The following CUX2 variants were observed in gnomAD, a reference collection of about 807,000 sequenced individuals.
CUX2 encodes the protein cut like homeobox 2.
A neutral mutation model predicts 144.8 loss-of-function variants in CUX2; 40 were observed. The observed-to-expected ratio is 0.28, with a 90% CI of 0.21 to 0.36. CUX2 has a LOEUF of 0.36. Among genes scored for constraint, CUX2 ranks in the 10% least tolerant of loss-of-function variants. The pLI is 1.00. For missense variants in CUX2, 1,615 were observed against 1,994.0 expected (o/e 0.81, Z 3.62); for synonymous variants, 827 against 875.6 (o/e 0.94, Z 0.98).
intron 16 of CUX2, 38 bp from the exon 17 acceptor site, chr12:111,319,974 A>C (rs1592962411): frequency 7.0e-7 from 1 of 1,438,204 alleles, no homozygotes; most frequent in Non-Finnish European, 9.1e-7. Context: ...CCGAGCCCTG[A>C]CCCTGGGCCT....
intron 1 of CUX2, among the ~76,000 whole-genome samples, chr12:111,115,740 C>A (rs1305342401): frequency 6.6e-6 from 1 of 152,058 alleles, no homozygotes; most frequent in Non-Finnish European, 1.5e-5. Flanking sequence ...CCCTCTGGTG[C>A]CCCCTCTTTT....
intron 1 of CUX2, among the ~76,000 whole-genome samples, chr12:111,209,945 G>A (rs1881122495): frequency 6.6e-6 from 1 of 151,996 alleles, no homozygotes; most frequent in Non-Finnish European, 1.5e-5. Flanking sequence ...CGGGCTCCGG[G>A]CTGTCTGTCT....
At chr12:111,042,885 C>T (rs1869819213) in intron 1 of CUX2, among the ~76,000 whole-genome samples, 1 of 151,614 alleles carries the variant, frequency 6.6e-6, no homozygotes, top group Admixed American at 6.6e-5. Flanking sequence ...ATTCTCCCAA[C>T]TCAACCTCTC....
chr12:111,342,814 C>G (rs1888632712), intron 21 of CUX2, among the ~76,000 whole-genome samples: 1 of 151,770 alleles, frequency 6.6e-6, no homozygotes, highest in Admixed American at 6.6e-5. Flanking sequence ...CAAAAATTAG[C>G]TGGACGTGGT....
Position 111,160,527 on chromosome 12 carries a change from G to A in CUX2, c.64-53673G>A, listed in dbSNP as rs1227765840. On this transcript the variant is annotated intron_variant, in intron 1 of 21. Coordinates refer to ENST00000261726, the MANE Select transcript of CUX2 (RefSeq NM_015267.4). This position sits in a 1 kb window ranked among gnomAD's most constrained non-coding sequence, Gnocchi z 4.1. The stretch of plus-strand genomic sequence containing the variant: ...GGCCCTTCCTGGTCCAAGAACTCGC[G>A]TGACCCGGCACAGAGGGGGCGCGAG... Among the ~76,000 whole-genome samples the A allele has an allele frequency of 2.0e-5, 3 of 152,188 alleles. No homozygotes were observed. Among genetic ancestry groups the A allele is most frequent in the Non-Finnish European group, 4.4e-5 (3 of 68,024 alleles).
At chr12:111,042,809 T>C (rs1021329160) in intron 1 of CUX2, among the ~76,000 whole-genome samples, 1 of 151,506 alleles carries the variant, frequency 6.6e-6, no homozygotes, top group African/African-American at 2.4e-5. Flanking sequence ...TTTTTTTTTT[T>C]TTTAACGTAG....
At chr12:111,183,760 G>A (rs752894547) in intron 1 of CUX2, among the ~76,000 whole-genome samples, 6 of 152,258 alleles carry the variant, frequency 3.9e-5, no homozygotes, top group African/African-American at 1.2e-4. Context: ...AGTGCCTGGC[G>A]CGTTCTGTTT....
At chr12:111,207,507 C>T (rs1473402788) in intron 1 of CUX2, among the ~76,000 whole-genome samples, 1 of 152,124 alleles carries the variant, frequency 6.6e-6, no homozygotes, top group Non-Finnish European at 1.5e-5. Flanking sequence ...GGTTGCATCC[C>T]CCTGTAGTAA....
chr12:111,291,358 C>G, intron 4 of CUX2, 60 bp from the exon 5 acceptor site: 1 of 1,520,176 alleles, frequency 6.6e-7, no homozygotes, highest in Non-Finnish European at 8.8e-7. Context: ...CCTGCAGCCA[C>G]AGCCCGGGTG....
intron 9 of CUX2, among the ~76,000 whole-genome samples, chr12:111,302,899 TAAAA>T (rs35454022): frequency 3.1e-3 from 334 of 109,452 alleles, no homozygotes; most frequent in African/African-American, 9.8e-3. Flanking sequence ...GACTCTGTCT[TAAAA>T]AAAAAAAAAA....
At chr12:111,265,860 G>C (rs1178357806) in intron 4 of CUX2, among the ~76,000 whole-genome samples, 1 of 152,062 alleles carries the variant, frequency 6.6e-6, no homozygotes, top group Non-Finnish European at 1.5e-5. Context: ...GTTTGAGGCT[G>C]GGGGCCTGTG....
intron 1 of CUX2, among the ~76,000 whole-genome samples, chr12:111,153,988 C>A (rs543130194): frequency 2.6e-5 from 4 of 152,140 alleles, no homozygotes; most frequent in Admixed American, 1.3e-4. Flanking sequence ...CAAGTTCCCC[C>A]TTTTTACAAA....
chr12:111,151,267 C>T (rs1469502792), intron 1 of CUX2, among the ~76,000 whole-genome samples: 3 of 152,114 alleles, frequency 2.0e-5, no homozygotes, highest in African/African-American at 7.2e-5. Flanking sequence ...AAAATTCATT[C>T]GTTACCATGC....
chr12:111,056,194 G>A (rs966733331), intron 1 of CUX2, among the ~76,000 whole-genome samples: 2 of 152,184 alleles, frequency 1.3e-5, no homozygotes, highest in East Asian at 1.9e-4. Flanking sequence ...TGCTAGAGAC[G>A]AGGACTGTTC....
chr12:111,312,199 G>A lies in CUX2; in HGVS notation c.2000G>A (p.Gly667Asp), dbSNP rs1404978167. 6.2e-7 allele frequency: 1 copy of A among 1,605,842 alleles called. No homozygotes were observed. Among genetic ancestry groups the A allele is most frequent in the Admixed American group, 1.7e-5 (1 of 59,370 alleles). The change falls in exon 16 of 22, where the codon GGC becomes GAC. Residue 667 changes from glycine (G) to aspartate (D), a missense_variant and splice_region_variant. Gly to Asp is a moderately conservative substitution (Grantham distance 94). Coordinates refer to ENST00000261726, the MANE Select transcript of CUX2 (RefSeq NM_015267.4). The surrounding 1 kb of genome is among the most constrained non-coding windows in gnomAD (Gnocchi z 4.3). ...AAGAAGGAGATCGAGTCGCAGAAGG[G>A]CGGTGAGTGTGACCCCTGCAGGCAA... The part of the protein sequence containing the change: ...QAKKEIESQK[G>D]GEPKTSVAPL...
intron 1 of CUX2, among the ~76,000 whole-genome samples, chr12:111,080,658 T>G (rs1183867310): frequency 6.6e-6 from 1 of 151,784 alleles, no homozygotes; most frequent in African/African-American, 2.4e-5. Context: ...GGTGACAGAG[T>G]GAGACCCTGG....
At chr12:111,147,766 A>G (rs1251710121) in intron 1 of CUX2, among the ~76,000 whole-genome samples, 1 of 152,192 alleles carries the variant, frequency 6.6e-6, no homozygotes, top group African/African-American at 2.4e-5. Context: ...GCAGATCTCT[A>G]TGATGCCACA....
intron 1 of CUX2, chr12:111,099,927 C>T (rs769784496): frequency 4.4e-6 from 2 of 456,362 alleles, no homozygotes; most frequent in African/African-American, 4.0e-5. Flanking sequence ...ATGTTTATTG[C>T]AGAGCAGAAC....
At position 111,341,798 on chromosome 12, in the gene CUX2, A is replaced by G. The variant is rs1330281748; in HGVS notation, c.3404A>G (p.Tyr1135Cys). 1.9e-6 allele frequency: 3 copies of G among 1,605,570 alleles called. No individual in the cohort carries two copies. The highest frequency in any genetic ancestry group is 2.7e-5 in the African/African-American group (2 of 74,796). ...GCCCCAGCCTACCTGAAACGTCGCT[A>G]TGGCCTCATCAGCACCGGCTCAGAC... is the stretch of plus-strand genomic sequence containing the variant. The part of the protein sequence containing the change: ...LEKKAYLKRR[Y>C]GLISTGSDSE... The change falls in exon 21 of 22, where the codon TAT (tyrosine) becomes TGT (cysteine). Residue 1135 changes from tyrosine (Y) to cysteine (C), a missense_variant. Physicochemically the swap from Tyr to Cys is radical, Grantham distance 194 (BLOSUM62 -2). Transcript: ENST00000261726.
Sources: allele counts gnomAD v4.1 joint callset (sites outside exome capture counted in the v4.1 genomes callset), GRCh38; gene constraint gnomAD v4.1.1; non-coding constraint Gnocchi (gnomAD v3.1); transcripts MANE v1.5; gene names NCBI Gene and HGNC (gene_info 2026-07-23, HGNC 2026-07-21).